NRG1: variants seen among roughly 807,000 people sequenced by gnomAD.
The protein encoded by NRG1 is pro-neuregulin-1, membrane-bound isoform.
A neutral mutation model predicts 63.8 loss-of-function variants in NRG1; 18 were observed. That is an observed-to-expected ratio of 0.28 (90% CI 0.19 to 0.42). NRG1 has a LOEUF of 0.42. Among genes scored for constraint, NRG1 ranks in the 10% least tolerant of loss-of-function variants. NRG1 has a pLI of 1.00. For missense variants in NRG1, 762 were observed against 814.7 expected (o/e 0.94, Z 0.79); for synonymous variants, 302 against 301.3 (o/e 1.00, Z -0.02).
At chr8:32,538,576 A>C (rs149840370) in intron 1 of NRG1, among the ~76,000 whole-genome samples, 2 of 152,348 alleles carry the variant, frequency 1.3e-5, no homozygotes, top group African/African-American at 4.8e-5. Flanking sequence ...TTTTGGCTGA[A>C]CAAATGAATT....
intron 1 of NRG1, among the ~76,000 whole-genome samples, chr8:31,670,364 C>T (rs571023383): frequency 1.2e-4 from 19 of 152,216 alleles, no homozygotes; most frequent in African/African-American, 4.1e-4. Flanking sequence ...TTTTATTTTA[C>T]GTTTTACACT....
At chr8:31,763,269 A>G (rs930121177) in intron 1 of NRG1, among the ~76,000 whole-genome samples, 1 of 152,242 alleles carries the variant, frequency 6.6e-6, no homozygotes, top group African/African-American at 2.4e-5. Flanking sequence ...TTACTTGCTT[A>G]TACTTTCATT....
chr8:32,215,967 G>C (rs1264599870), intron 1 of NRG1, among the ~76,000 whole-genome samples: 2 of 151,912 alleles, frequency 1.3e-5, no homozygotes, highest in African/African-American at 4.8e-5. Flanking sequence ...CTTGAACCTG[G>C]GAAGCAGAGG....
At chr8:32,422,572 T>C (rs1816821952) in intron 1 of NRG1, among the ~76,000 whole-genome samples, 1 of 152,160 alleles carries the variant, frequency 6.6e-6, no homozygotes. Context: ...TTCCTGAAAG[T>C]AGAATTGTTG....
chr8:31,722,732 C>T (rs1813043572), intron 1 of NRG1, among the ~76,000 whole-genome samples: 1 of 152,058 alleles, frequency 6.6e-6, no homozygotes, highest in Non-Finnish European at 1.5e-5. Context: ...AAAGAGTTAA[C>T]CCATAGTCTG....
Position 31,962,806 on chromosome 8 carries a change from T to C in NRG1, c.37+323375T>C, listed in dbSNP as rs1563623164. ...CACTTTGGGAAAGGAGCCATTTTTT[T>C]AGATCTATTTTCTCCCTGAAGCTTG... On this transcript the variant is annotated intron_variant, in intron 1 of 10. Coordinates refer to the NRG1 transcript ENST00000519301. 2.6e-5 allele frequency among the ~76,000 whole-genome samples: 4 copies of C among 152,210 alleles called. No homozygotes were observed. The South Asian group carries it at 8.3e-4, about 32-fold the overall frequency.
At chr8:32,518,948 C>A (rs1479251887) in intron 1 of NRG1, among the ~76,000 whole-genome samples, 2 of 152,116 alleles carry the variant, frequency 1.3e-5, no homozygotes, top group African/African-American at 4.8e-5. Context: ...TTAAATAAAT[C>A]ATAAATAAGT....
chr8:31,806,707 A>T (rs1006514674), intron 1 of NRG1, among the ~76,000 whole-genome samples: 4 of 152,078 alleles, frequency 2.6e-5, no homozygotes, highest in African/African-American at 9.7e-5. Flanking sequence ...GTAATAATTA[A>T]CCCTTTTTTT....
chr8:31,818,231 G>T (rs771892717), intron 1 of NRG1, among the ~76,000 whole-genome samples: 14 of 152,068 alleles, frequency 9.2e-5, no homozygotes, highest in Non-Finnish European at 1.5e-4. Flanking sequence ...TCAGGTGCTG[G>T]GTCAAATTAA....
At chr8:32,693,688 A>G (rs1054581056) in intron 5 of NRG1, among the ~76,000 whole-genome samples, 5 of 152,172 alleles carry the variant, frequency 3.3e-5, no homozygotes, top group Non-Finnish European at 5.9e-5. Context: ...GGTCTGAAAA[A>G]AAACTATGAA....
chr8:32,366,669 GTGTGTGTGTATATATA>G lies in NRG1; in HGVS notation c.38-229157_38-229142del, dbSNP rs1174100070. 1.5e-3 allele frequency among the ~76,000 whole-genome samples: 93 copies of G among 64,072 alleles called. 1 individual carries two copies. In the South Asian group the frequency reaches 0.025, roughly 17 times the overall value. 42.0% of individuals were successfully genotyped at this position (64,072 alleles called of 152,430 possible). A position where few individuals can be genotyped will look rare whatever the true frequency, so the allele number is the denominator to read the frequency against. ...TAATATATATTGTGTGTGTGTGTGT[GTGTGTGTGTATATATA>G]TATATATATATATATATATATATAT... is the stretch of plus-strand genomic sequence containing the variant. On this transcript the variant is annotated intron_variant, in intron 1 of 10. Coordinates refer to the NRG1 transcript ENST00000519301.
chr8:32,400,734 C>T (rs994509615), intron 1 of NRG1, among the ~76,000 whole-genome samples: 1 of 152,186 alleles, frequency 6.6e-6, no homozygotes, highest in African/African-American at 2.4e-5. Context: ...CATGGCGATT[C>T]CTCAAAGAAC....
intron 1 of NRG1, among the ~76,000 whole-genome samples, chr8:31,799,481 C>A (rs1184020364): frequency 6.6e-6 from 1 of 151,996 alleles, no homozygotes; most frequent in Non-Finnish European, 1.5e-5. Flanking sequence ...GAATTTACTA[C>A]CTTTACAAAT....
chr8:31,894,932 A>G (rs1048503856), intron 1 of NRG1, among the ~76,000 whole-genome samples: 1 of 152,226 alleles, frequency 6.6e-6, no homozygotes, highest in African/African-American at 2.4e-5. Context: ...AGGAAAAAAA[A>G]AGTGTTTAAA....
At chr8:32,583,065 T>C (rs187112194) in intron 1 of NRG1, among the ~76,000 whole-genome samples, 66 of 152,220 alleles carry the variant, frequency 4.3e-4, no homozygotes, top group Non-Finnish European at 1.6e-4. Context: ...TCTTTTTGTC[T>C]CTCAAGAATG....
rs148471725 is a variant in NRG1 at position 32,157,560 on chromosome 8, G to A, written c.38-438268G>A. Among the ~76,000 whole-genome samples, 474 of 151,816 alleles carry A rather than the reference G, an allele frequency of 3.1e-3. 1 individual carries two copies. Among genetic ancestry groups the A allele is most frequent in the South Asian group, 0.023 (113 of 4,820 alleles). On this transcript the variant is annotated intron_variant, in intron 1 of 10. Transcript: ENST00000519301. Reference sequence around the variant, plus strand: ...TGTAATCGCAGCTACTCGGTAGGCTGAGGCAGGAGAATCGCTTGAACCTGG... The same window carrying A: ...TGTAATCGCAGCTACTCGGTAGGCTAAGGCAGGAGAATCGCTTGAACCTGG...
chr8:31,901,954 C>A (rs1177109273), intron 1 of NRG1, among the ~76,000 whole-genome samples: 1 of 152,112 alleles, frequency 6.6e-6, no homozygotes, highest in Non-Finnish European at 1.5e-5. Context: ...GGAACTTATT[C>A]CATTCAACTT....
intron 1 of NRG1, among the ~76,000 whole-genome samples, chr8:32,279,739 G>C (rs1852498727): frequency 6.6e-6 from 1 of 152,212 alleles, no homozygotes; most frequent in African/African-American, 2.4e-5. Flanking sequence ...AATTGGAAAA[G>C]GCTGTGATCT....
At chr8:32,211,880 A>G (rs1586121364) in intron 1 of NRG1, among the ~76,000 whole-genome samples, 2 of 152,162 alleles carry the variant, frequency 1.3e-5, no homozygotes, top group Non-Finnish European at 2.9e-5. Context: ...AAGGATAGAA[A>G]AATACTGTTT....
Sources: allele counts gnomAD v4.1 joint callset (sites outside exome capture counted in the v4.1 genomes callset), GRCh38; gene constraint gnomAD v4.1.1; transcripts MANE v1.5; gene names NCBI Gene and HGNC (gene_info 2026-07-23, HGNC 2026-07-21).